Variants in MYH7B observed in about 807,000 individuals in gnomAD.
MYH7B encodes the protein myosin heavy chain 7B.
Under a neutral mutation model 234.5 loss-of-function variants are expected in MYH7B, and 205 were observed. That is an observed-to-expected ratio of 0.87 (90% CI 0.78 to 0.98). The LOEUF (loss-of-function observed/expected upper bound fraction) is 0.98. Among genes scored for constraint, MYH7B ranks in the 50% least tolerant of loss-of-function variants. The pLI is 0.00. For synonymous variants in MYH7B, 1,193 were observed against 1,105.0 expected, an observed-to-expected ratio of 1.08 and a Z score of -1.58; for missense variants, 2,652 against 2,633.4, an observed-to-expected ratio of 1.01 and a Z score of -0.15.
At chr20:34,994,442 C>G (rs368355322) in intron 27 of MYH7B, 41 bp downstream of exon 27, 6 of 1,531,072 alleles carry the variant, frequency 3.9e-6, no homozygotes, top group Non-Finnish European at 5.3e-6. Context: ...TCCCCAGCCC[C>G]GAGTACCCCT....
At chr20:35,001,157 A>C (rs370212150) in exon 41 of MYH7B, 15 of 1,613,450 alleles carry the variant, frequency 9.3e-6, no homozygotes, top group Non-Finnish European at 1.3e-5. Context: ...CTGGAGGCCA[A>C]GGTGTGTGCA....
At chr20:34,960,947 C>T (rs1569024674) in intron 2 of MYH7B, among the ~76,000 whole-genome samples, 1 of 152,170 alleles carries the variant, frequency 6.6e-6, no homozygotes, top group African/African-American at 2.4e-5. Context: ...TGAAGTTGGG[C>T]TTTGCCTTAG....
chr20:34,984,552 G>A, intron 10 of MYH7B, 140 bp from the exon 11 acceptor site: 3 of 735,490 alleles, frequency 4.1e-6, no homozygotes, highest in Non-Finnish European at 4.6e-6. Context: ...CCGAGGGGCT[G>A]AGGGTGGGGG....
rs765518246 is a variant in MYH7B, at chr20:34,999,196, C to A, written c.4331C>A (p.Ser1444Ter). The stretch of plus-strand genomic sequence containing the variant: ...ACCCTGGAGCTGGAGCGGGCGACCT[C>A]AGCAGCTGCTGCGCTGGACAAGAAG... Residue 1444 changes from serine to a stop codon, truncating the protein, a stop_gained, in exon 36 of 45, where the codon TCA becomes TAA. Transcript: ENST00000262873. LOFTEE classifies it high-confidence loss of function. The A allele has an allele frequency of 6.2e-7, 1 of 1,613,080 alleles. No individual in the cohort carries two copies. The highest frequency in any genetic ancestry group is 1.3e-5 in the African/African-American group (1 of 75,042).
At chr20:34,998,513 G>A (rs770382221) in exon 34 of MYH7B, 2 of 1,613,372 alleles carry the variant, frequency 1.2e-6, no homozygotes, top group Non-Finnish European at 1.7e-6. Context: ...GCCTGCAGGG[G>A]AGCTGAGTCG....
intron 13 of MYH7B, among the ~76,000 whole-genome samples, chr20:34,985,807 A>G (rs1209976579): frequency 6.6e-6 from 1 of 152,022 alleles, no homozygotes; most frequent in Non-Finnish European, 1.5e-5. Context: ...ACACGCACAC[A>G]CGCTGACACA....
exon 6 of MYH7B, chr20:34,979,449 T>G: frequency 6.2e-7 from 1 of 1,613,972 alleles, no homozygotes. Context: ...CGAGGTCAAG[T>G]CGGAGGCTAC....
chr20:34,987,543 T>C lies in MYH7B; in HGVS notation c.1148-14T>C. 9.6e-7 allele frequency: 1 copy of C among 1,042,750 alleles called. No individual in the cohort carries two copies. The highest frequency in any genetic ancestry group is 1.3e-6 in the Non-Finnish European group (1 of 743,932). The allele number at this position is 1,042,750 out of a possible 1,614,324, so 64.6% of individuals were successfully genotyped here. A position where few individuals can be genotyped will look rare whatever the true frequency, so the allele number is the denominator to read the frequency against. On this transcript the variant is annotated splice_polypyrimidine_tract_variant and intron_variant, in intron 16 of 44. Coordinates refer to ENST00000262873, the Ensembl canonical transcript of MYH7B. ...GTGGTGTCCTCCTCCCTTACCCCAC[T>C]CGTGCCCTGCCAGGTGCTGACAAGG...
intron 4 of MYH7B, 85 bp downstream of exon 4, chr20:34,977,765 T>C (rs528268567): frequency 8.7e-6 from 13 of 1,495,394 alleles, no homozygotes; most frequent in South Asian, 1.2e-5. Flanking sequence ...TGGCCGCGAG[T>C]CTTCTGAATC....
rs754318271 is a variant in MYH7B, at chr20:34,984,957, G to A, written c.741+11G>A. 24 of 1,612,316 alleles carry A rather than the reference G, an allele frequency of 1.5e-5. No individual in the cohort carries two copies. The South Asian group carries it at 2.3e-4, about 15-fold the overall frequency. Reference sequence around the variant, plus strand: ...AACTCCTCCCGCTTTGTGAGTGGCTGAGGTGGGAGGGGTGGCGGGGATGCC... The same window carrying A: ...AACTCCTCCCGCTTTGTGAGTGGCTAAGGTGGGAGGGGTGGCGGGGATGCC... On this transcript the variant is annotated intron_variant, in intron 12 of 44. Transcript: ENST00000262873.
At chr20:34,991,742 C>T (rs1468101472) in intron 24 of MYH7B, among the ~76,000 whole-genome samples, 1 of 152,200 alleles carries the variant, frequency 6.6e-6, no homozygotes, top group Non-Finnish European at 1.5e-5. Context: ...AAGCATCCAT[C>T]GTTCCTTCTC....
intron 11 of MYH7B, 48 bp downstream of exon 11, chr20:34,984,763 TCCTC>T: frequency 1.2e-6 from 2 of 1,605,946 alleles, no homozygotes; most frequent in South Asian, 2.2e-5. Context: ...GGTACCCCCT[TCCTC>T]TGCACAACAG....
intron 2 of MYH7B, among the ~76,000 whole-genome samples, chr20:34,969,315 T>G (rs1043167499): frequency 3.9e-5 from 6 of 152,122 alleles, no homozygotes; most frequent in Admixed American, 3.9e-4. Flanking sequence ...TAGCAAACAC[T>G]TTAAAAATAG....
intron 14 of MYH7B, 94 bp from the exon 15 acceptor site, chr20:34,986,792 C>T (rs1197067843): frequency 5.9e-6 from 6 of 1,010,274 alleles, no homozygotes; most frequent in Non-Finnish European, 9.3e-6. Flanking sequence ...TCCTGCTGGG[C>T]TTGCCCCCGC....
At chr20:34,979,874 GGGGGCGGGCCCATAGCGGT>G (rs1348196066) in intron 7 of MYH7B, 70 bp downstream of exon 7, 8 of 1,538,528 alleles carry the variant, frequency 5.2e-6, no homozygotes, top group Middle Eastern at 1.9e-4. Context: ...ATGAGGTGCT[GGGGGCGGGCCCATAGCGGT>G]GGGGCGGGGC....
At chr20:34,987,418 T>C in intron 16 of MYH7B, 131 bp downstream of exon 16, 2 of 1,435,626 alleles carry the variant, frequency 1.4e-6, no homozygotes, top group Non-Finnish European at 1.9e-6. Flanking sequence ...CTCCAAACCC[T>C]TACCCTCCTG....
Position 34,984,622 on chromosome 20 carries a change from T to TA in MYH7B, c.625-69dup, listed in dbSNP as rs1231358478. The TA allele has an allele frequency of 2.2e-5, 32 of 1,433,946 alleles. No homozygotes were observed. The Admixed American group carries it at 3.4e-4, about 15-fold the overall frequency. 88.8% of individuals were successfully genotyped at this position (1,433,946 alleles called of 1,614,324 possible). ...CCTGCTGCCCGCTGCCTCCCGCTGA[T>TA]ACCCTGCCCCACCCCGCCCTTCCCC... On this transcript the variant is annotated intron_variant, in intron 10 of 44. Transcript: ENST00000262873.
chr20:35,001,944 C>T lies in MYH7B; in HGVS notation c.5677-4C>T. On this transcript the variant is annotated splice_region_variant and splice_polypyrimidine_tract_variant and intron_variant, in intron 43 of 44. Coordinates refer to ENST00000262873, the Ensembl canonical transcript of MYH7B. ...CGGAACCAAGGCCCTGTGTGTGCCCCCAGGAGCAGCAGGCCAACACCAACC... is the reference window on the plus strand; with the variant it reads ...CGGAACCAAGGCCCTGTGTGTGCCCTCAGGAGCAGCAGGCCAACACCAACC... The T allele has an allele frequency of 6.2e-7, 1 of 1,611,860 alleles. No individual in the cohort carries two copies.
chr20:34,999,761 CACCCT>C (rs754891905), intron 37 of MYH7B, 25 bp from the exon 38 acceptor site: 17 of 1,014,622 alleles, frequency 1.7e-5, no homozygotes, highest in Non-Finnish European at 2.2e-5. Context: ...CCCCCCCCCC[CACCCT>C]ACCCTGCCTG....
Sources: gnomAD v4.1 joint callset for allele counts (sites outside exome capture counted in the v4.1 genomes callset) on GRCh38, gnomAD v4.1.1 for gene constraint, MANE v1.5 for transcripts, NCBI Gene and HGNC (gene_info 2026-07-23, HGNC 2026-07-21) for gene names.